HAT1: variants seen among roughly 807,000 people sequenced by gnomAD.
HAT1 encodes histone acetyltransferase 1.
Under a neutral mutation model 56.6 loss-of-function variants are expected in HAT1, and 20 were observed. The observed-to-expected ratio is 0.35, with a 90% CI of 0.25 to 0.51. The LOEUF (loss-of-function observed/expected upper bound fraction) is 0.51. Among genes scored for constraint, HAT1 ranks in the 20% least tolerant of loss-of-function variants. HAT1 has a pLI of 0.95. For missense variants in HAT1, 408 were observed against 504.3 expected, an observed-to-expected ratio of 0.81 and a Z score of 1.83; for synonymous variants, 146 against 165.5, an observed-to-expected ratio of 0.88 and a Z score of 0.91.
intron 4 of HAT1, among the ~76,000 whole-genome samples, chr2:171,956,513 A>G (rs75977797): frequency 1.4e-5 from 2 of 145,710 alleles, no homozygotes; most frequent in South Asian, 2.1e-4. Flanking sequence ...CCTTGTCTCC[A>G]AAAAACAAAC....
chr2:171,981,846 A>AAT (rs1235620477), intron 10 of HAT1, among the ~76,000 whole-genome samples: 4 of 152,218 alleles, frequency 2.6e-5, no homozygotes, highest in African/African-American at 9.6e-5. Context: ...ATGGGTAAAA[A>AAT]TGGTATTTTC....
intron 8 of HAT1, 22 bp from the exon 9 acceptor site, chr2:171,976,135 T>C (rs750016036): frequency 2.2e-5 from 29 of 1,337,834 alleles, no homozygotes; most frequent in Non-Finnish European, 2.5e-5. Context: ...AATGTTAATA[T>C]TATTCTGCTT....
chr2:171,955,705 T>A (rs530962226), intron 4 of HAT1, among the ~76,000 whole-genome samples: 1 of 152,196 alleles, frequency 6.6e-6, no homozygotes, highest in African/African-American at 2.4e-5. Flanking sequence ...AACACCTGTA[T>A]CATCTTAGAG....
intron 9 of HAT1, among the ~76,000 whole-genome samples, chr2:171,978,127 C>T (rs578209462): frequency 4.7e-5 from 7 of 149,338 alleles, no homozygotes; most frequent in Non-Finnish European, 1.0e-4. Context: ...GGTGTAATCA[C>T]GGCTACGGCT....
At position 171,965,345 on chromosome 2, in the gene HAT1, A is replaced by G; in HGVS notation, c.317A>G (p.Asp106Gly). 6.3e-7 allele frequency: 1 copy of G among 1,589,558 alleles called. No homozygotes were observed. The highest frequency in any genetic ancestry group is 8.6e-7 in the Non-Finnish European group (1 of 1,160,530). The change falls in exon 5 of 11, where the codon GAT becomes GGT. Residue 106 changes from aspartate (D) to glycine (G), a missense_variant. Asp to Gly is a moderately conservative substitution (Grantham distance 94). Transcript: ENST00000264108. ...ATATCCTTTATTCTTTAGGCAGATG[A>G]TGTTGAGGGCAAAATTAGACAAATC... Reference protein sequence around the residue: ...DENFDCVEADDVEGKIRQIIP... With the variant: ...DENFDCVEADGVEGKIRQIIP...
chr2:171,927,908 T>A (rs1012996353), intron 2 of HAT1, among the ~76,000 whole-genome samples: 1 of 150,862 alleles, frequency 6.6e-6, no homozygotes, highest in African/African-American at 2.4e-5. Context: ...TATTTTGAGA[T>A]GGAGTCTCAC....
intron 2 of HAT1, among the ~76,000 whole-genome samples, chr2:171,929,887 T>G (rs1033674179): frequency 6.6e-6 from 1 of 152,230 alleles, no homozygotes; most frequent in African/African-American, 2.4e-5. Flanking sequence ...TTTTTAAAGA[T>G]TGTTTCGATT....
At chr2:171,980,315 CATAT>C (rs1688101570) in intron 10 of HAT1, 1 of 151,902 alleles carries the variant, frequency 6.6e-6, no homozygotes, top group Non-Finnish European at 1.5e-5. Flanking sequence ...CAAAGTTATA[CATAT>C]ATATTCTCTT....
chr2:171,943,514 T>G (rs1418302920), intron 2 of HAT1, among the ~76,000 whole-genome samples: 1 of 150,964 alleles, frequency 6.6e-6, no homozygotes, highest in Non-Finnish European at 1.5e-5. Flanking sequence ...CTAAGCCTCT[T>G]TTTTTTCTTT....
In HAT1 at chr2:171,966,452, G is replaced by A. The variant is rs753132793; in HGVS notation, c.655G>A (p.Val219Ile). The A allele has an allele frequency of 3.4e-5, 55 of 1,602,566 alleles. No homozygotes were observed. The highest frequency in any genetic ancestry group is 4.5e-5 in the East Asian group (2 of 44,828). Residue 219 changes from valine (V) to isoleucine (I), a missense_variant, in exon 7 of 11, where the codon GTA becomes ATA. Physicochemically the swap from Val to Ile is conservative, Grantham distance 29. Coordinates refer to ENST00000264108, the MANE Select transcript of HAT1 (RefSeq NM_003642.4). ...NKDGATLFAT[V>I]GYMTVYNYYV... ...GGATGGAGCTACGCTCTTTGCGACC[G>A]TAGGCTACATGACAGTCTATAATTA...
rs1688181760 is a variant in HAT1 at position 171,983,345 on chromosome 2, A to G, written c.1253A>G (p.Gln418Arg). The G allele has an allele frequency of 6.2e-7, 1 of 1,600,408 alleles. No individual in the cohort carries two copies. Among genetic ancestry groups the G allele is most frequent in the Non-Finnish European group, 8.5e-7 (1 of 1,170,336 alleles). ...CGGCGTGTTATTGAACGACTTGCTC[A>G]AGAGTAAAGATTATACTGCTCTGTA... is the stretch of plus-strand genomic sequence containing the variant. ...DYRRVIERLA[Q>R]E is the part of the protein sequence containing the mutation. Residue 418 changes from glutamine to arginine, a missense_variant, in exon 11 of 11, where the codon CAA (glutamine) becomes CGA (arginine). Physicochemically the swap from Gln to Arg is conservative, Grantham distance 43. Transcript: ENST00000264108.
At chr2:171,959,771 A>C (rs1195182893) in intron 4 of HAT1, among the ~76,000 whole-genome samples, 1 of 152,218 alleles carries the variant, frequency 6.6e-6, no homozygotes, top group East Asian at 1.9e-4. Context: ...CATTCTAGCC[A>C]AGAGGAACAG....
At chr2:171,958,983 G>GT (rs1687512135) in intron 4 of HAT1, among the ~76,000 whole-genome samples, 8 of 152,102 alleles carry the variant, frequency 5.3e-5, no homozygotes, top group East Asian at 1.9e-4. Context: ...AGTTCTATTT[G>GT]GTTTTTTTGT....
chr2:171,975,496 T>A (rs1428501997), intron 8 of HAT1, among the ~76,000 whole-genome samples: 2 of 152,214 alleles, frequency 1.3e-5, no homozygotes, highest in African/African-American at 2.4e-5. Flanking sequence ...AGCCATCTGG[T>A]TGTAGACTTG....
At chr2:171,927,786 C>T (rs1050733203) in intron 2 of HAT1, among the ~76,000 whole-genome samples, 5 of 151,570 alleles carry the variant, frequency 3.3e-5, no homozygotes, top group Admixed American at 1.3e-4. Context: ...GATAGGGTTT[C>T]GCCATGTTGG....
rs533051106 is a variant in HAT1 at position 171,974,646 on chromosome 2, T to C, written c.824-1511T>C. Among the ~76,000 whole-genome samples, 6 of 152,346 alleles carry C rather than the reference T, an allele frequency of 3.9e-5. No individual in the cohort carries two copies. The South Asian group carries it at 6.2e-4, about 16-fold the overall frequency. On this transcript the variant is annotated intron_variant, in intron 8 of 10. Transcript: ENST00000264108. Reference sequence around the variant, plus strand: ...GTGAAAGCAGACATCTATGCCTTGCTCCCAGTTTTAGAGGGAAAGCATTTG... The same window carrying C: ...GTGAAAGCAGACATCTATGCCTTGCCCCCAGTTTTAGAGGGAAAGCATTTG...
intron 4 of HAT1, among the ~76,000 whole-genome samples, chr2:171,958,317 T>TTCTC (rs1230066762): frequency 6.6e-6 from 1 of 151,878 alleles, no homozygotes; most frequent in South Asian, 2.1e-4. Flanking sequence ...TTACTGCTTT[T>TTCTC]TCTCTCTCTC....
At chr2:171,932,755 G>A (rs918390791) in intron 2 of HAT1, among the ~76,000 whole-genome samples, 1 of 152,100 alleles carries the variant, frequency 6.6e-6, no homozygotes, top group African/African-American at 2.4e-5. Flanking sequence ...CATAGTCCTA[G>A]CTACTTGGGA....
intron 3 of HAT1, among the ~76,000 whole-genome samples, chr2:171,949,689 A>AT (rs397986670): frequency 1.1e-4 from 15 of 131,556 alleles, no homozygotes; most frequent in Admixed American, 1.6e-4. Flanking sequence ...AAAAAAAAAA[A>AT]TTTTTTTTTA....
Sources: allele counts gnomAD v4.1 joint callset (sites outside exome capture counted in the v4.1 genomes callset), GRCh38; gene constraint gnomAD v4.1.1; transcripts MANE v1.5; gene names NCBI Gene and HGNC (gene_info 2026-07-23, HGNC 2026-07-21).